The following LINGO2 variants were observed in gnomAD, a reference collection of about 807,000 sequenced individuals.
LINGO2 encodes leucine-rich repeat and immunoglobulin-like domain-containing nogo receptor-interacting protein 2.
A neutral mutation model predicts 30.6 loss-of-function variants in LINGO2; 14 were observed. The ratio of observed to expected loss-of-function variants is 0.46; its 90% confidence interval spans 0.30 to 0.72. LINGO2 has a LOEUF of 0.72. LINGO2 is among the 30% of genes least tolerant of loss of function. LINGO2 has a pLI of 0.07. For synonymous variants in LINGO2, 317 were observed against 288.5 expected (o/e 1.10, Z -1.00); for missense variants, 729 against 751.7 (o/e 0.97, Z 0.35).
chr9:28,348,669 C>T (rs1330569019), intron 3 of LINGO2, among the ~76,000 whole-genome samples: 1 of 151,914 alleles, frequency 6.6e-6, no homozygotes, highest in African/African-American at 2.4e-5. Flanking sequence ...GGCCTGCCTG[C>T]CTCTGTAGGC....
At chr9:28,274,634 T>C (rs1338912317) in intron 4 of LINGO2, among the ~76,000 whole-genome samples, 1 of 152,200 alleles carries the variant, frequency 6.6e-6, no homozygotes, top group African/African-American at 2.4e-5. Context: ...TAGGCTATTC[T>C]TGCTAAACCA....
At chr9:28,590,708 C>T (rs373311340) in intron 1 of LINGO2, among the ~76,000 whole-genome samples, 3,156 of 152,094 alleles carry the variant, frequency 0.021, 55 homozygotes, top group Non-Finnish European at 0.03. Context: ...ACACTGTTGG[C>T]GGGACTGTAA....
At chr9:28,759,687 GA>G in the LINGO2 span, among the ~76,000 whole-genome samples, 1,609 of 127,378 alleles carry the variant, frequency 0.013, 36 homozygotes, top group African/African-American at 0.041. Context: ...GTCTCAAAAA[GA>G]AAAAAAAAAA....
the LINGO2 span, among the ~76,000 whole-genome samples, chr9:29,012,287 G>A: frequency 6.6e-6 from 1 of 152,158 alleles, no homozygotes; most frequent in Admixed American, 6.6e-5. Flanking sequence ...GAACCCACAA[G>A]GCGGAGGCTG....
At chr9:28,727,266 G>T in the LINGO2 span, among the ~76,000 whole-genome samples, 3 of 151,878 alleles carry the variant, frequency 2.0e-5, no homozygotes, top group African/African-American at 7.3e-5. Context: ...GGGAACTTGT[G>T]AAGAGTTAGC....
intron 2 of LINGO2, among the ~76,000 whole-genome samples, chr9:28,391,791 T>G (rs1032225774): frequency 2.0e-5 from 3 of 152,190 alleles, no homozygotes; most frequent in African/African-American, 7.2e-5. Context: ...CTAATTTATT[T>G]ATACAACATT....
rs576916110 is a variant in LINGO2, at chr9:28,098,602, G to A, written c.-86-86197C>T. 2.0e-5 allele frequency among the ~76,000 whole-genome samples: 3 copies of A among 152,138 alleles called. No homozygotes were observed. The South Asian group carries it at 6.2e-4, about 32-fold the overall frequency. ...TTCGTCTATATACTAAATATCCTCT[G>A]TGTTATTCTGATATTTTTATGTGTG... On this transcript the variant is annotated intron_variant, in intron 4 of 5. Transcript: ENST00000379992.
intron 4 of LINGO2, among the ~76,000 whole-genome samples, chr9:28,284,988 A>G (rs1823455781): frequency 1.3e-5 from 2 of 152,220 alleles, no homozygotes; most frequent in Admixed American, 1.3e-4. Flanking sequence ...CTAGACAAAG[A>G]TATCTTCAAA....
At chr9:28,575,170 G>C (rs1230923459) in intron 1 of LINGO2, among the ~76,000 whole-genome samples, 4 of 152,074 alleles carry the variant, frequency 2.6e-5, no homozygotes, top group Non-Finnish European at 1.5e-5. Context: ...TTGGGAGGCC[G>C]AGGCAGGTGG....
the LINGO2 span, among the ~76,000 whole-genome samples, chr9:28,691,168 G>T: frequency 6.6e-6 from 1 of 152,286 alleles, no homozygotes; most frequent in East Asian, 1.9e-4. Flanking sequence ...CTCTGATGGG[G>T]ATATATCTCA....
chr9:29,030,153 A>G, the LINGO2 span, among the ~76,000 whole-genome samples: 2 of 152,146 alleles, frequency 1.3e-5, no homozygotes, highest in Non-Finnish European at 2.9e-5. Context: ...TGCCAAGTCT[A>G]AACATATATA....
intron 2 of LINGO2, among the ~76,000 whole-genome samples, chr9:28,432,424 T>C (rs1823715357): frequency 6.6e-6 from 1 of 151,644 alleles, no homozygotes; most frequent in Admixed American, 6.6e-5. Flanking sequence ...ATACATAAAA[T>C]AGAAATATTT....
At chr9:28,362,416 G>T (rs540212427) in intron 3 of LINGO2, among the ~76,000 whole-genome samples, 1 of 149,682 alleles carries the variant, frequency 6.7e-6, no homozygotes, top group South Asian at 2.1e-4. Flanking sequence ...AGTAACAGAA[G>T]AATCAAAAGA....
At chr9:28,882,403 T>C in the LINGO2 span, among the ~76,000 whole-genome samples, 1,392 of 152,282 alleles carry the variant, frequency 9.1e-3, 30 homozygotes, top group African/African-American at 0.032. Flanking sequence ...TCAGGATTAT[T>C]GAGAAGTTTG....
At chr9:28,220,408 A>C (rs1377029807) in intron 4 of LINGO2, among the ~76,000 whole-genome samples, 3 of 152,204 alleles carry the variant, frequency 2.0e-5, no homozygotes, top group Admixed American at 2.0e-4. Flanking sequence ...TCTATGAGAA[A>C]ATAAGACTCC....
intron 4 of LINGO2, among the ~76,000 whole-genome samples, chr9:28,078,417 T>C (rs1040500172): frequency 6.7e-6 from 1 of 148,970 alleles, no homozygotes; most frequent in Non-Finnish European, 1.5e-5. Context: ...CTTAAAGAAA[T>C]GTCTAAATCT....
intron 3 of LINGO2, among the ~76,000 whole-genome samples, chr9:28,323,518 T>G (rs1455365263): frequency 6.6e-6 from 1 of 152,152 alleles, no homozygotes; most frequent in Non-Finnish European, 1.5e-5. Context: ...GAGAATCACT[T>G]GAACCTGGGA....
At chr9:28,458,726 A>C (rs1317715933) in intron 2 of LINGO2, among the ~76,000 whole-genome samples, 5 of 152,014 alleles carry the variant, frequency 3.3e-5, no homozygotes, top group African/African-American at 1.2e-4. Flanking sequence ...TTGACAGACA[A>C]ATTCTCATTC....
At chr9:28,039,598 CTG>C (rs1824105857) in intron 4 of LINGO2, among the ~76,000 whole-genome samples, 1 of 152,052 alleles carries the variant, frequency 6.6e-6, no homozygotes, top group South Asian at 2.1e-4. Flanking sequence ...CTTTTGGACT[CTG>C]TATATAAACA....
Sources: gnomAD v4.1 joint callset for allele counts (sites outside exome capture counted in the v4.1 genomes callset) on GRCh38, gnomAD v4.1.1 for gene constraint, MANE v1.5 for transcripts, NCBI Gene and HGNC (gene_info 2026-07-23, HGNC 2026-07-21) for gene names.